NFKBID: variants seen among roughly 807,000 people sequenced by gnomAD.
NFKBID encodes NF-kappa-B inhibitor delta.
Under a neutral mutation model 53.4 loss-of-function variants are expected in NFKBID, and 26 were observed. The observed-to-expected ratio is 0.49, with a 90% CI of 0.36 to 0.68. The LOEUF is 0.68. Ranked by LOEUF, NFKBID falls within the 30% of genes least tolerant of loss-of-function variation. The pLI, the probability that NFKBID is intolerant of heterozygous loss-of-function variation, is 0.00. For missense variants in NFKBID, 493 were observed against 614.1 expected (o/e 0.80, Z 2.08); for synonymous variants, 262 against 259.8 (o/e 1.01, Z -0.08).
chr19:35,890,982 A>G (rs1974727519), intron 9 of NFKBID, among the ~76,000 whole-genome samples: 1 of 152,100 alleles, frequency 6.6e-6, no homozygotes, highest in African/African-American at 2.4e-5. Context: ...TGTACCATTC[A>G]CACCATACAC....
chr19:35,902,199 T>C (rs1975584398), upstream of NFKBID: 1 of 703,104 alleles, frequency 1.4e-6, no homozygotes, highest in Non-Finnish European at 2.6e-6. Context: ...CTACCTTTCA[T>C]CTCTGCCAGC....
exon 1 of NFKBID, chr19:35,900,532 C>G (rs996279952): frequency 2.4e-6 from 3 of 1,231,748 alleles, no homozygotes; most frequent in Non-Finnish European, 2.0e-6. Context: ...GAGCCGCCGC[C>G]GGGTCCCCGA....
upstream of NFKBID, chr19:35,900,812 T>C: frequency 2.9e-6 from 1 of 350,438 alleles, no homozygotes; most frequent in Non-Finnish European, 5.0e-6. Context: ...CTTTTCTTTT[T>C]CTTTTTTTTC....
At position 35,896,792 on chromosome 19, in the gene NFKBID, C is replaced by G. The variant is rs543615979; in HGVS notation, c.618G>C (p.Ala206=). The G allele has an allele frequency of 3.1e-6, 5 of 1,613,866 alleles. No individual in the cohort carries two copies. The highest frequency in any genetic ancestry group is 2.5e-6 in the Non-Finnish European group (3 of 1,179,898). ...GGAGCACCTCAGCCGCAGCATATGC[C>G]GCCCAGCGCAGCCCCCGAGCCGCAA... Residue 206 remains alanine, a synonymous_variant, in exon 6 of 12, where the codon GCG becomes GCC. Coordinates refer to ENST00000641389, the Ensembl canonical transcript of NFKBID. The surrounding 1 kb of genome is among the most constrained non-coding windows in gnomAD (Gnocchi z 5.7).
chr19:35,902,237 T>A, upstream of NFKBID: 1 of 703,494 alleles, frequency 1.4e-6, no homozygotes, highest in Non-Finnish European at 2.6e-6. Flanking sequence ...CAGCGTTTCA[T>A]GCCAGAAGGC....
rs754019439 is a variant in NFKBID, at chr19:35,896,358, C to T, written c.831+34G>A. On this transcript the variant is annotated intron_variant, in intron 7 of 11. Transcript: ENST00000641389. This position sits in a 1 kb window ranked among gnomAD's most constrained non-coding sequence, Gnocchi z 5.7. The stretch of plus-strand genomic sequence containing the variant: ...CAAAATCTGGGCAACCAGTCTACCC[C>T]CCAGACAAACCCCTGCCTGCCAGCT... 1 of 1,614,070 alleles carries T rather than the reference C, an allele frequency of 6.2e-7. No individual in the cohort carries two copies. The highest frequency in any genetic ancestry group is 1.7e-5 in the Admixed American group (1 of 60,012).
At chr19:35,895,052 G>A (rs1287276427) in intron 9 of NFKBID, among the ~76,000 whole-genome samples, 1 of 151,996 alleles carries the variant, frequency 6.6e-6, no homozygotes, top group African/African-American at 2.4e-5. Flanking sequence ...CAGTAAAATA[G>A]AGAAAATAGA....
At chr19:35,898,848 T>C (rs1169633938) in intron 1 of NFKBID, 26 bp from the exon 2 acceptor site, 1 of 1,517,014 alleles carries the variant, frequency 6.6e-7, no homozygotes, top group Non-Finnish European at 8.9e-7. Flanking sequence ...GAGGGGGAAG[T>C]CATCAAGGGT....
upstream of NFKBID, chr19:35,900,651 C>CACTG: frequency 8.1e-7 from 1 of 1,229,274 alleles, no homozygotes; most frequent in East Asian, 3.2e-5. Flanking sequence ...CTCCGGCGAA[C>CACTG]GCAGTCCCTG....
intron 1 of NFKBID, 47 bp from the exon 2 acceptor site, chr19:35,898,869 C>T (rs536145910): frequency 2.8e-6 from 4 of 1,443,064 alleles, no homozygotes; most frequent in African/African-American, 2.8e-5. Flanking sequence ...CCTTAAGTCA[C>T]CTAAATGCCG....
rs1440112952 is a variant in NFKBID at position 35,896,633 on chromosome 19, AC to A, written c.684+92del. The A allele has an allele frequency of 3.2e-6, 4 of 1,263,804 alleles. No homozygotes were observed. The highest frequency in any genetic ancestry group is 1.7e-5 in the African/African-American group (1 of 59,888). 78.3% of individuals were successfully genotyped at this position (1,263,804 alleles called of 1,614,324 possible). A position where few individuals can be genotyped will look rare whatever the true frequency, so the allele number is the denominator to read the frequency against. On this transcript the variant is annotated intron_variant, in intron 6 of 11. Coordinates refer to ENST00000641389, the Ensembl canonical transcript of NFKBID. The surrounding 1 kb of genome is among the most constrained non-coding windows in gnomAD (Gnocchi z 5.7). ...CATCCCCCCTCAGCCCCAGGAGCTC[AC>A]CCCCCATTCCCCTCTTCTCTAGGAT...
At position 35,896,143 on chromosome 19, in the gene NFKBID, CA is replaced by C. The variant is rs776511000; in HGVS notation, c.884-16del. ...CGGGGTGAGGCCTGCAGAATGGAGA[CA>C]GTGAGGGACCCGCATCTGCACCCAC... is the stretch of plus-strand genomic sequence containing the variant. On this transcript the variant is annotated splice_polypyrimidine_tract_variant and intron_variant, in intron 8 of 11. Transcript: ENST00000641389. The surrounding 1 kb of genome is among the most constrained non-coding windows in gnomAD (Gnocchi z 5.7). 1.2e-6 allele frequency: 2 copies of C among 1,613,988 alleles called. No homozygotes were observed. The highest frequency in any genetic ancestry group is 1.7e-6 in the Non-Finnish European group (2 of 1,179,896).
At position 35,898,390 on chromosome 19, in the gene NFKBID, G is replaced by C. The variant is rs1211131743; in HGVS notation, c.226+82C>G. ...GGGAAGAATGAGGGCCTGACTCCCA[G>C]GTGTCCCAAAGTTCTGAGAGCTGCG... On this transcript the variant is annotated intron_variant, in intron 3 of 11. Transcript: ENST00000641389. 5.9e-6 allele frequency: 5 copies of C among 844,260 alleles called. No individual in the cohort carries two copies. In the Admixed American group the frequency reaches 8.1e-5, roughly 14 times the overall value. The allele number at this position is 844,260 out of a possible 1,614,324, so 52.3% of individuals were successfully genotyped here.
chr19:35,897,875 G>C lies in NFKBID; in HGVS notation c.227-19C>G, dbSNP rs756954336. ...GGGTGGCCTGCGTGTAAGAGGAGGG[G>C]CAGGGGCAGGTCTGGTTACCAGAGT... On this transcript the variant is annotated intron_variant, in intron 3 of 11. Transcript: ENST00000641389. 31 of 1,513,564 alleles carry C rather than the reference G, an allele frequency of 2.0e-5. No individual in the cohort carries two copies. Among genetic ancestry groups the C allele is most frequent in the Admixed American group, 9.8e-5 (5 of 50,984 alleles). The allele number at this position is 1,513,564 out of a possible 1,614,324, so 93.8% of individuals were successfully genotyped here.
At chr19:35,899,342 G>A (rs969116490) in intron 1 of NFKBID, among the ~76,000 whole-genome samples, 5 of 152,048 alleles carry the variant, frequency 3.3e-5, no homozygotes, top group Non-Finnish European at 5.9e-5. Flanking sequence ...CACTTTGAGA[G>A]GCCAAGGGGG....
chr19:35,898,866 T>G, intron 1 of NFKBID, 44 bp from the exon 2 acceptor site: 1 of 1,459,710 alleles, frequency 6.9e-7, no homozygotes, highest in South Asian at 1.2e-5. Context: ...GGTCCTTAAG[T>G]CACCTAAATG....
exon 12 of NFKBID, chr19:35,888,395 T>C (rs1330883644): frequency 1.2e-5 from 7 of 598,330 alleles, no homozygotes; most frequent in Non-Finnish European, 1.2e-5. Context: ...ACCCCAAATA[T>C]TGGGGCCTGT....
intron 9 of NFKBID, among the ~76,000 whole-genome samples, chr19:35,893,786 C>T (rs1974946970): frequency 1.3e-5 from 2 of 150,050 alleles, no homozygotes; most frequent in South Asian, 4.2e-4. Context: ...CACCACTGCA[C>T]TCCAGCCTGG....
chr19:35,893,133 CACTCCAGCCTGGGTGACAAAGCCAG>C (rs1337079254), intron 9 of NFKBID, among the ~76,000 whole-genome samples: 1 of 152,186 alleles, frequency 6.6e-6, no homozygotes, highest in African/African-American at 2.4e-5. Flanking sequence ...CGCACCACAG[CACTCCAGCCTGGGTGACAAAGCCAG>C]ACTCTGTCTC....
Sources: gnomAD v4.1 joint callset for allele counts (sites outside exome capture counted in the v4.1 genomes callset) on GRCh38, gnomAD v4.1.1 for gene constraint, Gnocchi (gnomAD v3.1) non-coding constraint, MANE v1.5 for transcripts, NCBI Gene and HGNC (gene_info 2026-07-23, HGNC 2026-07-21) for gene names.